Variants in WDPCP observed in about 807,000 individuals in gnomAD.
WDPCP encodes WD repeat containing planar cell polarity effector.
Under a neutral mutation model 93.1 loss-of-function variants are expected in WDPCP, and 71 were observed. The observed-to-expected ratio is 0.76, with a 90% CI of 0.63 to 0.93. WDPCP has a LOEUF of 0.93. Among genes scored for constraint, WDPCP ranks in the 40% least tolerant of loss-of-function variants. The probability of loss-of-function intolerance (pLI) is 0.00; values close to 1 mark genes in which losing one functional copy is unlikely to be tolerated. For synonymous variants in WDPCP, 315 were observed against 315.0 expected, an observed-to-expected ratio of 1.00 and a Z score of 0.00; for missense variants, 844 against 887.4, an observed-to-expected ratio of 0.95 and a Z score of 0.62.
At chr2:63,706,600 CTTTTTTT>C (rs896018299) in intron 2 of WDPCP, among the ~76,000 whole-genome samples, 5 of 61,696 alleles carry the variant, frequency 8.1e-5, no homozygotes, top group South Asian at 5.2e-4. Flanking sequence ...AAATTCTTTT[CTTTTTTT>C]TTTTTTTTTT....
At chr2:63,268,391 T>C (rs1682338873) in intron 13 of WDPCP, among the ~76,000 whole-genome samples, 1 of 152,220 alleles carries the variant, frequency 6.6e-6, no homozygotes, top group South Asian at 2.1e-4. Context: ...ATAAGTTTAG[T>C]GATCATTTAC....
chr2:63,592,215 T>C (rs191531026), upstream of WDPCP, among the ~76,000 whole-genome samples: 41 of 152,330 alleles, frequency 2.7e-4, no homozygotes, highest in African/African-American at 9.9e-4. Context: ...AGTTCATCAG[T>C]GGATTTATAA....
chr2:63,389,842 C>T (rs1307214497), intron 10 of WDPCP, among the ~76,000 whole-genome samples: 2 of 152,112 alleles, frequency 1.3e-5, no homozygotes, highest in Non-Finnish European at 2.9e-5. Flanking sequence ...ACAAGAAGAG[C>T]TAACTATCCT....
chr2:63,495,296 C>T (rs1455395139), intron 1 of WDPCP, among the ~76,000 whole-genome samples: 1 of 152,164 alleles, frequency 6.6e-6, no homozygotes, highest in Non-Finnish European at 1.5e-5. Flanking sequence ...TATTATCTTT[C>T]AGTATTATCA....
intron 2 of WDPCP, among the ~76,000 whole-genome samples, chr2:63,662,037 A>G (rs1388515352): frequency 2.6e-5 from 4 of 152,202 alleles, no homozygotes; most frequent in African/African-American, 4.8e-5. Context: ...TCTTAAAATG[A>G]TGAAATTGGA....
chr2:63,828,230 A>C (rs1403420860), upstream of WDPCP, among the ~76,000 whole-genome samples: 1 of 151,528 alleles, frequency 6.6e-6, no homozygotes, highest in Admixed American at 6.6e-5. Context: ...CTCCCAACTC[A>C]AAGTTTTTGC....
At chr2:63,326,029 TAGTGTC>T (rs1426193049) in intron 12 of WDPCP, among the ~76,000 whole-genome samples, 1 of 152,200 alleles carries the variant, frequency 6.6e-6, no homozygotes, top group African/African-American at 2.4e-5. Flanking sequence ...GTGGCTGTCT[TAGTGTC>T]AGAGGCTATC....
intron 14 of WDPCP, among the ~76,000 whole-genome samples, chr2:63,253,487 G>C (rs1680904041): frequency 6.6e-6 from 1 of 152,024 alleles, no homozygotes; most frequent in Non-Finnish European, 1.5e-5. Context: ...TGCAAACTAT[G>C]CTATGCATTT....
At chr2:63,415,723 A>G (rs917412613) in intron 9 of WDPCP, among the ~76,000 whole-genome samples, 2 of 152,190 alleles carry the variant, frequency 1.3e-5, no homozygotes, top group African/African-American at 2.4e-5. Context: ...ACAATCAGAG[A>G]GAGGAAATGG....
intron 6 of WDPCP, among the ~76,000 whole-genome samples, chr2:63,476,970 T>G (rs542270606): frequency 6.6e-6 from 1 of 152,304 alleles, no homozygotes; most frequent in Non-Finnish European, 1.5e-5. Context: ...CTTTTATGAT[T>G]GTGCCTGAAA....
At chr2:63,190,787 G>T (rs1462413806) in intron 14 of WDPCP, among the ~76,000 whole-genome samples, 2 of 151,316 alleles carry the variant, frequency 1.3e-5, no homozygotes, top group Non-Finnish European at 2.9e-5. Flanking sequence ...TTAAACTAAT[G>T]AACTACAAAG....
At chr2:63,752,845 A>G (rs1165901683) in intron 2 of WDPCP, among the ~76,000 whole-genome samples, 1 of 151,770 alleles carries the variant, frequency 6.6e-6, no homozygotes, top group Non-Finnish European at 1.5e-5. Context: ...GGCGCCCACC[A>G]CCAGCCCAGT....
intron 2 of WDPCP, among the ~76,000 whole-genome samples, chr2:63,801,841 C>A (rs532907267): frequency 1.3e-5 from 2 of 152,090 alleles, no homozygotes; most frequent in African/African-American, 2.4e-5. Flanking sequence ...ACAAAGCAAG[C>A]GATCCAAGAG....
chr2:63,557,526 C>G (rs1706221401), intron 1 of WDPCP, among the ~76,000 whole-genome samples: 1 of 152,128 alleles, frequency 6.6e-6, no homozygotes, highest in South Asian at 2.1e-4. Flanking sequence ...TCTTAGAGAC[C>G]TACAAAGAGA....
At chr2:63,551,475 TACAATG>T (rs1309454880) in intron 1 of WDPCP, among the ~76,000 whole-genome samples, 4 of 152,120 alleles carry the variant, frequency 2.6e-5, no homozygotes, top group Admixed American at 2.6e-4. Flanking sequence ...TGCCATGTGA[TACAATG>T]ACAATGACTC....
At chr2:63,301,316 A>G (rs1431125362) in intron 13 of WDPCP, among the ~76,000 whole-genome samples, 1 of 152,174 alleles carries the variant, frequency 6.6e-6, no homozygotes, top group African/African-American at 2.4e-5. Context: ...TTCAGTCTCT[A>G]CGTTCTTTTA....
chr2:63,663,143 G>C (rs964657466), intron 2 of WDPCP, among the ~76,000 whole-genome samples: 1 of 152,194 alleles, frequency 6.6e-6, no homozygotes. Flanking sequence ...AATTTCTGTA[G>C]ATTAGAGATT....
intron 3 of WDPCP, among the ~76,000 whole-genome samples, chr2:63,598,896 CA>C (rs1333463606): frequency 0.041 from 2,983 of 72,200 alleles, 85 homozygotes; most frequent in African/African-American, 0.12. Context: ...AAAGAGGTAC[CA>C]AAAAAAAAAA....
intron 1 of WDPCP, among the ~76,000 whole-genome samples, chr2:63,566,380 G>C (rs529191102): frequency 6.6e-6 from 1 of 152,132 alleles, no homozygotes; most frequent in Non-Finnish European, 1.5e-5. Flanking sequence ...ACTTCTAGTC[G>C]TCCTGCCTTT....
Sources: allele counts gnomAD v4.1 joint callset (sites outside exome capture counted in the v4.1 genomes callset), GRCh38; gene constraint gnomAD v4.1.1; transcripts MANE v1.5; gene names NCBI Gene and HGNC (gene_info 2026-07-23, HGNC 2026-07-21).